Variants in PLCE1 observed in about 807,000 individuals in gnomAD.
The protein encoded by PLCE1 is 1-phosphatidylinositol 4,5-bisphosphate phosphodiesterase epsilon-1.
PLCE1 carries 119 observed loss-of-function variants against 242.8 expected under a neutral mutation model. The observed-to-expected ratio is 0.49, with a 90% CI of 0.42 to 0.57. The LOEUF is 0.57. Ranked by LOEUF, PLCE1 falls within the 20% of genes least tolerant of loss-of-function variation. The probability of loss-of-function intolerance (pLI) is 0.00; values close to 1 mark genes in which losing one functional copy is unlikely to be tolerated. For synonymous variants in PLCE1, 945 were observed against 1,017.4 expected, an observed-to-expected ratio of 0.93 and a Z score of 1.35; for missense variants, 2,441 against 2,788.8, an observed-to-expected ratio of 0.88 and a Z score of 2.81.
At chr10:94,308,016 A>G (rs1224095055) in intron 26 of PLCE1, among the ~76,000 whole-genome samples, 1 of 152,230 alleles carries the variant, frequency 6.6e-6, no homozygotes, top group Non-Finnish European at 1.5e-5. Flanking sequence ...ATGAGCATAC[A>G]GATATATTTT....
intron 4 of PLCE1, among the ~76,000 whole-genome samples, chr10:94,193,657 C>T (rs913090159): frequency 1.3e-5 from 2 of 152,172 alleles, no homozygotes; most frequent in African/African-American, 2.4e-5. Context: ...GATTTTCTGG[C>T]AATCCTAACA....
chr10:94,239,177 G>A (rs2050417929), intron 7 of PLCE1, among the ~76,000 whole-genome samples: 1 of 152,200 alleles, frequency 6.6e-6, no homozygotes, highest in South Asian at 2.1e-4. Flanking sequence ...ATACCAAGCT[G>A]AAGTTCTGAG....
intron 2 of PLCE1, chr10:94,088,970 C>T (rs919580540): frequency 9.9e-7 from 1 of 1,009,136 alleles, no homozygotes; most frequent in Non-Finnish European, 1.4e-6. Context: ...GGATCGCAGC[C>T]CTCCCTCGAT....
chr10:94,312,373 T>C (rs1380966136), intron 27 of PLCE1, among the ~76,000 whole-genome samples: 1 of 152,226 alleles, frequency 6.6e-6, no homozygotes, highest in Non-Finnish European at 1.5e-5. Flanking sequence ...TGCCTGCATC[T>C]CCAGCCTTTC....
At chr10:94,203,309 A>G (rs540527406) in intron 4 of PLCE1, among the ~76,000 whole-genome samples, 1 of 152,298 alleles carries the variant, frequency 6.6e-6, no homozygotes, top group East Asian at 1.9e-4. Context: ...ATCACCCTGA[A>G]TATTTATCCA....
chr10:94,192,669 G>T (rs540946309), intron 4 of PLCE1, among the ~76,000 whole-genome samples: 1 of 152,116 alleles, frequency 6.6e-6, no homozygotes, highest in African/African-American at 2.4e-5. Flanking sequence ...TTGGTAGAAC[G>T]ATTTCTTTTT....
intron 4 of PLCE1, among the ~76,000 whole-genome samples, chr10:94,221,033 G>A (rs2049725310): frequency 6.6e-6 from 1 of 152,170 alleles, no homozygotes; most frequent in Non-Finnish European, 1.5e-5. Context: ...TTTTGCGCTG[G>A]TACTACAGAA....
chr10:94,025,034 G>A (rs1341887009), intron 1 of PLCE1, among the ~76,000 whole-genome samples: 4 of 151,932 alleles, frequency 2.6e-5, no homozygotes, highest in Admixed American at 2.6e-4. Context: ...CTAAGTCCCG[G>A]AAACAGGCAG....
At chr10:94,194,232 T>C (rs573689018) in intron 4 of PLCE1, among the ~76,000 whole-genome samples, 9 of 152,370 alleles carry the variant, frequency 5.9e-5, no homozygotes, top group Non-Finnish European at 1.2e-4. Context: ...TTAATTTGCC[T>C]AGTTTCTGCC....
chr10:94,070,089 T>A (rs1203898927), intron 2 of PLCE1, among the ~76,000 whole-genome samples: 1 of 152,210 alleles, frequency 6.6e-6, no homozygotes, highest in African/African-American at 2.4e-5. Flanking sequence ...GGTAATGTGC[T>A]GTACCCTACA....
chr10:94,118,722 A>G (rs1235796431), intron 2 of PLCE1, among the ~76,000 whole-genome samples: 5 of 152,072 alleles, frequency 3.3e-5, no homozygotes, highest in African/African-American at 9.7e-5. Context: ...TTCTTTCGCA[A>G]ATTGCCCAAT....
At chr10:94,102,836 A>G (rs2045588497) in intron 2 of PLCE1, among the ~76,000 whole-genome samples, 1 of 152,250 alleles carries the variant, frequency 6.6e-6, no homozygotes, top group Non-Finnish European at 1.5e-5. Context: ...CTCTTTGACC[A>G]AAGCATCCCA....
chr10:94,021,864 G>A (rs2061381765), intron 1 of PLCE1, among the ~76,000 whole-genome samples: 1 of 152,010 alleles, frequency 6.6e-6, no homozygotes, highest in Non-Finnish European at 1.5e-5. Flanking sequence ...CCTTATTTGT[G>A]ATAAAAATTT....
chr10:94,104,702 T>C (rs1053207920), intron 2 of PLCE1: 1 of 152,204 alleles, frequency 6.6e-6, no homozygotes, highest in Admixed American at 6.5e-5. Flanking sequence ...CAGTCCCCCA[T>C]CTGCATCTGG....
intron 3 of PLCE1, chr10:94,137,983 CAT>C (rs1213589271): frequency 5.2e-6 from 2 of 383,644 alleles, no homozygotes; most frequent in Non-Finnish European, 1.0e-5. Flanking sequence ...ATCCTGATAA[CAT>C]GTCTGAGTAC....
At chr10:94,312,993 T>A (rs2133734424) in intron 27 of PLCE1, among the ~76,000 whole-genome samples, 1 of 152,282 alleles carries the variant, frequency 6.6e-6, no homozygotes, top group East Asian at 1.9e-4. Flanking sequence ...CTAACATACA[T>A]TTCAGATAAT....
At chr10:94,308,746 C>T in intron 27 of PLCE1, 47 bp downstream of exon 27, 1 of 1,277,134 alleles carries the variant, frequency 7.8e-7, no homozygotes. Flanking sequence ...GATTGCTACA[C>T]TGAAGGTGGG....
chr10:94,239,396 C>T (rs2050428711), intron 7 of PLCE1, among the ~76,000 whole-genome samples: 1 of 152,164 alleles, frequency 6.6e-6, no homozygotes, highest in African/African-American at 2.4e-5. Context: ...TTTTTCCTGC[C>T]ACCTTGTGAA....
intron 2 of PLCE1, among the ~76,000 whole-genome samples, chr10:94,049,888 C>G (rs935575457): frequency 2.0e-5 from 3 of 152,154 alleles, no homozygotes; most frequent in African/African-American, 7.2e-5. Context: ...TTGTATGTCT[C>G]CTTTTACCCA....
Sources: allele counts gnomAD v4.1 joint callset (sites outside exome capture counted in the v4.1 genomes callset), GRCh38; gene constraint gnomAD v4.1.1; transcripts MANE v1.5; gene names NCBI Gene and HGNC (gene_info 2026-07-23, HGNC 2026-07-21).